Variants in LYN observed in about 807,000 individuals in gnomAD.
LYN encodes the protein tyrosine-protein kinase Lyn.
A neutral mutation model predicts 65.0 loss-of-function variants in LYN; 12 were observed. The observed-to-expected ratio is 0.18, with a 90% CI of 0.12 to 0.30. LYN has a LOEUF of 0.30. Ranked by LOEUF, LYN falls within the 10% of genes least tolerant of loss-of-function variation. The pLI is 1.00. For synonymous variants in LYN, 222 were observed against 221.2 expected, an observed-to-expected ratio of 1.00 and a Z score of -0.03; for missense variants, 380 against 623.2, an observed-to-expected ratio of 0.61 and a Z score of 4.16.
Position 55,979,013 on chromosome 8 carries a change from T to A in LYN, c.1050+9220T>A, listed in dbSNP as rs536839672. On this transcript the variant is annotated intron_variant, in intron 10 of 12. Transcript: ENST00000519728. ...CCTCACTCTTGAAAAAAATGTGATT[T>A]TTCTCTGTACTTAAATGAAACCATG... Among the ~76,000 whole-genome samples the A allele has an allele frequency of 3.3e-5, 5 of 152,256 alleles. No homozygotes were observed. The East Asian group carries it at 7.7e-4, about 23-fold the overall frequency.
At position 55,929,226 on chromosome 8, in the gene LYN, C is replaced by T. The variant is rs1161384598; in HGVS notation, c.-5-12629C>T. On this transcript the variant is annotated intron_variant, in intron 1 of 12. Transcript: ENST00000519728. The stretch of plus-strand genomic sequence containing the variant: ...GTTTGTCTTTGACTCTTAGTTTCCT[C>T]ATGAGAAGCAGGGATCCGTAGAATA... Among the ~76,000 whole-genome samples the T allele has an allele frequency of 4.6e-5, 7 of 152,182 alleles. No individual in the cohort carries two copies. The East Asian group carries it at 1.3e-3, about 29-fold the overall frequency.
rs141750227 is a variant in LYN at position 55,946,686 on chromosome 8, G to A, written c.178+193G>A. ...TTCACATTGTTGTACAACCAATACC[G>A]CCCTCCATCTCCAGAATGCATCTTC... On this transcript the variant is annotated intron_variant, in intron 3 of 12. Transcript: ENST00000519728. 2.7e-3 allele frequency among the ~76,000 whole-genome samples: 413 copies of A among 151,838 alleles called. 3 individuals are homozygous for A. The highest frequency in any genetic ancestry group is 8.4e-3 in the African/African-American group (349 of 41,356).
intron 1 of LYN, among the ~76,000 whole-genome samples, chr8:55,929,384 A>G (rs1806197542): frequency 6.6e-6 from 1 of 152,236 alleles, no homozygotes; most frequent in South Asian, 2.1e-4. Flanking sequence ...CTGTTTCAAC[A>G]GCTACCAGAT....
At chr8:55,949,666 A>G (rs1364515521) in intron 4 of LYN, among the ~76,000 whole-genome samples, 2 of 152,238 alleles carry the variant, frequency 1.3e-5, no homozygotes, top group South Asian at 4.1e-4. Flanking sequence ...TAGCATATCC[A>G]TCATCTGGAA....
At chr8:55,951,836 G>A (rs545446932) in intron 6 of LYN, 130 bp from the exon 7 acceptor site, 13 of 675,702 alleles carry the variant, frequency 1.9e-5, no homozygotes, top group Admixed American at 1.3e-4. Context: ...TTAAAATTAT[G>A]CATTTTATAC....
chr8:55,956,137 T>C (rs1174241835), intron 8 of LYN, among the ~76,000 whole-genome samples: 1 of 152,202 alleles, frequency 6.6e-6, no homozygotes, highest in Non-Finnish European at 1.5e-5. Flanking sequence ...TGGCTTCTTT[T>C]TTCCTCCTTT....
At chr8:55,916,488 T>G (rs1805783319) in intron 1 of LYN, among the ~76,000 whole-genome samples, 1 of 152,320 alleles carries the variant, frequency 6.6e-6, no homozygotes, top group East Asian at 1.9e-4. Context: ...GCGAATATGG[T>G]TCACAAAAGC....
At chr8:55,988,385 A>T (rs1240719248) in intron 10 of LYN, among the ~76,000 whole-genome samples, 1 of 149,406 alleles carries the variant, frequency 6.7e-6, no homozygotes, top group Non-Finnish European at 1.5e-5. Context: ...TCAGTTTGGG[A>T]TTGACTCCAG....
intron 7 of LYN, 37 bp from the exon 8 acceptor site, chr8:55,953,795 T>C (rs1248994805): frequency 6.2e-7 from 1 of 1,606,518 alleles, no homozygotes; most frequent in Non-Finnish European, 8.5e-7. Flanking sequence ...TACAAAGTAT[T>C]GCATTTCTTA....
intron 3 of LYN, among the ~76,000 whole-genome samples, chr8:55,947,202 T>C (rs1000146441): frequency 6.6e-6 from 1 of 152,220 alleles, no homozygotes; most frequent in African/African-American, 2.4e-5. Flanking sequence ...TGAGCCGAGA[T>C]TGCACTATTG....
intron 2 of LYN, among the ~76,000 whole-genome samples, chr8:55,945,937 C>T (rs114324822): frequency 0.01 from 1,587 of 152,304 alleles, 24 homozygotes; most frequent in African/African-American, 0.036. Flanking sequence ...CCACCTCTTC[C>T]GTCTCCATCC....
chr8:55,928,149 T>A (rs1214471660), intron 1 of LYN, among the ~76,000 whole-genome samples: 1 of 152,190 alleles, frequency 6.6e-6, no homozygotes, highest in African/African-American at 2.4e-5. Flanking sequence ...GTTGCTTGGT[T>A]TGTTCGTTTT....
At chr8:55,988,329 T>TGTGTGTGTG (rs1563325566) in intron 10 of LYN, among the ~76,000 whole-genome samples, 11 of 151,776 alleles carry the variant, frequency 7.2e-5, no homozygotes, top group Middle Eastern at 3.4e-3. Flanking sequence ...TGTGTGTGTG[T>TGTGTGTGTG]TTACATCCTA....
intron 1 of LYN, among the ~76,000 whole-genome samples, chr8:55,908,406 T>C (rs1805492712): frequency 6.6e-6 from 1 of 151,084 alleles, no homozygotes; most frequent in Non-Finnish European, 1.5e-5. Flanking sequence ...CACCGCGACC[T>C]GCTAATTTTT....
At chr8:55,989,580 A>G (rs1473305323) in intron 10 of LYN, among the ~76,000 whole-genome samples, 5 of 152,218 alleles carry the variant, frequency 3.3e-5, no homozygotes, top group African/African-American at 1.2e-4. Flanking sequence ...GGAAATAGCA[A>G]CTTGGACTTT....
intron 1 of LYN, among the ~76,000 whole-genome samples, chr8:55,932,617 C>T (rs1391787438): frequency 2.6e-5 from 4 of 152,136 alleles, no homozygotes; most frequent in African/African-American, 4.8e-5. Context: ...GACAGGGTTT[C>T]GCCATGTTGG....
At chr8:55,907,827 C>T (rs1805475165) in intron 1 of LYN, among the ~76,000 whole-genome samples, 1 of 152,092 alleles carries the variant, frequency 6.6e-6, no homozygotes, top group Admixed American at 6.5e-5. Flanking sequence ...AATAGGGCCA[C>T]TGCACTCCAG....
chr8:55,953,708 C>A, intron 7 of LYN, 124 bp from the exon 8 acceptor site: 2 of 691,918 alleles, frequency 2.9e-6, no homozygotes, highest in African/African-American at 3.6e-5. Context: ...GTCAAGGATG[C>A]ATTTTAGTTC....
intron 1 of LYN, among the ~76,000 whole-genome samples, chr8:55,887,489 C>T (rs1804829242): frequency 6.7e-6 from 1 of 150,188 alleles, no homozygotes; most frequent in Non-Finnish European, 1.5e-5. Context: ...ATGAGCATCC[C>T]ATATATACAT....
Sources: gnomAD v4.1 joint callset for allele counts (sites outside exome capture counted in the v4.1 genomes callset) on GRCh38, gnomAD v4.1.1 for gene constraint, MANE v1.5 for transcripts, NCBI Gene and HGNC (gene_info 2026-07-23, HGNC 2026-07-21) for gene names.